Variants in NR2F2 observed in about 807,000 individuals in gnomAD.
NR2F2 encodes COUP transcription factor 2.
A neutral mutation model predicts 34.8 loss-of-function variants in NR2F2; 2 were observed. The ratio of observed to expected loss-of-function variants is 0.06; its 90% CI spans 0.02 to 0.18. The LOEUF is 0.18. Ranked by LOEUF, NR2F2 falls within the 10% of genes least tolerant of loss-of-function variation. The probability of loss-of-function intolerance (pLI) is 1.00; values close to 1 mark genes in which losing one functional copy is unlikely to be tolerated. For missense variants in NR2F2, 300 were observed against 580.1 expected (o/e 0.52, Z 4.96); for synonymous variants, 274 against 251.8 (o/e 1.09, Z -0.84).
In NR2F2 at chr15:96,332,369, C is replaced by T. The variant is rs757445345; in HGVS notation, c.264C>T (p.Gly88=). 1.2e-6 allele frequency: 2 copies of T among 1,612,578 alleles called. No homozygotes were observed. Among genetic ancestry groups the T allele is most frequent in the Non-Finnish European group, 1.7e-6 (2 of 1,179,290 alleles). ...TGGTGTGCGGAGACAAGTCGAGCGG[C>T]AAGCACTACGGCCAGTTCACGTGCG... The part of the protein sequence containing the change: ...ECVVCGDKSS[G]KHYGQFTCEG... Residue 88 remains glycine, a synonymous_variant, in exon 1 of 3, where the codon GGC becomes GGT. Coordinates refer to ENST00000394166, the MANE Select transcript of NR2F2 (RefSeq NM_021005.4).
chr15:96,330,522 C>G (rs1899102502), upstream of NR2F2, among the ~76,000 whole-genome samples: 1 of 147,010 alleles, frequency 6.8e-6, no homozygotes, highest in African/African-American at 2.5e-5. Context: ...CGCCCGCGGC[C>G]GCCATGGCGG....
rs755839593 is a variant in NR2F2 at position 96,332,336 on chromosome 15, C to G, written c.231C>G (p.Ile77Met). The change falls in exon 1 of 3, where the codon ATC becomes ATG. Residue 77 changes from isoleucine to methionine, a missense_variant. Physicochemically the swap from Ile to Met is conservative, Grantham distance 10. Transcript: ENST00000394166. ...GSDKQQQQQH[I>M]ECVVCGDKSS... The stretch of plus-strand genomic sequence containing the variant: ...ACAAGCAGCAGCAGCAGCAACACAT[C>G]GAGTGCGTGGTGTGCGGAGACAAGT... 1 of 1,604,566 alleles carries G rather than the reference C, an allele frequency of 6.2e-7. No homozygotes were observed. Among genetic ancestry groups the G allele is most frequent in the Non-Finnish European group, 8.5e-7 (1 of 1,175,562 alleles).
upstream of NR2F2, chr15:96,327,492 A>C (rs1290856108): frequency 6.6e-6 from 1 of 152,160 alleles, no homozygotes; most frequent in Non-Finnish European, 1.5e-5. Flanking sequence ...TAGCACTGTA[A>C]ATTTTTCAGA....
At position 96,334,675 on chromosome 15, in the gene NR2F2, T is replaced by G. The variant is rs532372303; in HGVS notation, c.970+72T>G. ...AGCTGGGGCCCAGAGAACTTGGGAG[T>G]CCCCAGGGCAAACCCAGTCTGCTCC... is the stretch of plus-strand genomic sequence containing the variant. On this transcript the variant is annotated intron_variant, in intron 2 of 2. Transcript: ENST00000394166. 1.3e-4 allele frequency: 195 copies of G among 1,494,952 alleles called. No individual in the cohort carries two copies. The African/African-American group carries it at 2.3e-3, about 17-fold the overall frequency. 92.6% of individuals were successfully genotyped at this position (1,494,952 alleles called of 1,614,324 possible). A position where few individuals can be genotyped will look rare whatever the true frequency, so the allele number is the denominator to read the frequency against.
Position 96,331,066 on chromosome 15 carries a change from C to T in NR2F2, c.-1040C>T, listed in dbSNP as rs1899124042. On this transcript the variant is annotated 5_prime_UTR_variant, in exon 1 of 3. The change creates a premature stop within an existing upstream ORF in the 5' untranslated region. Transcript: ENST00000394166. ...GAGGCGGCGGCGGCAGCAGCAGCAGCAGCGGCTCCGGCGGCGGCAGCAGCG... is the reference window on the plus strand; with the variant it reads ...GAGGCGGCGGCGGCAGCAGCAGCAGTAGCGGCTCCGGCGGCGGCAGCAGCG... 16 of 1,240,120 alleles carry T rather than the reference C, an allele frequency of 1.3e-5. No homozygotes were observed. The highest frequency in any genetic ancestry group is 1.6e-5 in the Non-Finnish European group (16 of 996,076). 76.8% of individuals were successfully genotyped at this position (1,240,120 alleles called of 1,614,324 possible).
chr15:96,333,101 C>T (rs1899200967), intron 1 of NR2F2: 1 of 164,390 alleles, frequency 6.1e-6, no homozygotes, highest in South Asian at 2.0e-4. Flanking sequence ...AATACCTCTG[C>T]TTTCTTTTTT....
chr15:96,334,642 T>C (rs769862755), intron 2 of NR2F2, 39 bp downstream of exon 2: 12 of 1,548,766 alleles, frequency 7.7e-6, no homozygotes, highest in Non-Finnish European at 7.9e-6. Flanking sequence ...CACGGGCTCC[T>C]AGCCCAGAGC....
At chr15:96,335,765 G>A (rs1023932286) in intron 2 of NR2F2, among the ~76,000 whole-genome samples, 1 of 152,230 alleles carries the variant, frequency 6.6e-6, no homozygotes. Flanking sequence ...TTCGAAAGAA[G>A]TCTGGGGAAC....
Position 96,330,802 on chromosome 15 carries a change from C to A in NR2F2, c.-1304C>A. On this transcript the variant is annotated 5_prime_UTR_variant, in exon 1 of 3. Coordinates refer to ENST00000394166, the MANE Select transcript of NR2F2 (RefSeq NM_021005.4). ...CTTTGATTCTCTGTTCTTTTCTCTC[C>A]GCGGTGTGTGTGTGCGTGCGCGCGT... 1 of 1,047,296 alleles carries A rather than the reference C, an allele frequency of 9.5e-7. No individual in the cohort carries two copies. The highest frequency in any genetic ancestry group is 1.2e-6 in the Non-Finnish European group (1 of 845,128). 64.9% of individuals were successfully genotyped at this position (1,047,296 alleles called of 1,614,324 possible). A position where few individuals can be genotyped will look rare whatever the true frequency, so the allele number is the denominator to read the frequency against.
upstream of NR2F2, chr15:96,326,283 GGA>G: frequency 6.2e-7 from 1 of 1,605,912 alleles, no homozygotes; most frequent in Middle Eastern, 1.7e-4. The surrounding 1 kb of genome is among the most constrained non-coding windows in gnomAD (Gnocchi z 5.5). Context: ...CCAAACTAAA[GGA>G]GAGTTATTCC....
chr15:96,333,574 C>T (rs974151068), intron 1 of NR2F2: 1 of 1,014,258 alleles, frequency 9.9e-7, no homozygotes, highest in Admixed American at 5.1e-5. Flanking sequence ...GGGGGTTCCC[C>T]GCCGGGCTGG....
chr15:96,336,090 T>G (rs1427850464), intron 2 of NR2F2, among the ~76,000 whole-genome samples: 2 of 152,184 alleles, frequency 1.3e-5, no homozygotes, highest in Non-Finnish European at 2.9e-5. Context: ...TCTTGGACGA[T>G]GGAGGTAGTC....
rs900490135 is a variant in NR2F2, at chr15:96,339,864, G to C, written c.*2242G>C. ...TGGTTTAATTCTAATTGGTGGGGGGGGGGGAGGACTAGTGAGGGAGGTGAA... is the reference window on the plus strand; with the variant it reads ...TGGTTTAATTCTAATTGGTGGGGGGCGGGGAGGACTAGTGAGGGAGGTGAA... On this transcript the variant is annotated 3_prime_UTR_variant, in exon 3 of 3. Coordinates refer to ENST00000394166, the MANE Select transcript of NR2F2 (RefSeq NM_021005.4). 2.6e-5 allele frequency: 4 copies of C among 152,022 alleles called. No homozygotes were observed. In the South Asian group the frequency reaches 6.2e-4, roughly 24 times the overall value. 9.4% of individuals were successfully genotyped at this position (152,022 alleles called of 1,614,324 possible). A position where few individuals can be genotyped will look rare whatever the true frequency, so the allele number is the denominator to read the frequency against.
chr15:96,329,344 G>C (rs1270981254), upstream of NR2F2, among the ~76,000 whole-genome samples: 2 of 152,188 alleles, frequency 1.3e-5, no homozygotes, highest in African/African-American at 4.8e-5. Flanking sequence ...AGACACCCTG[G>C]AATTCAAAGA....
Position 96,337,659 on chromosome 15 carries a change from G to GA in NR2F2, c.*41dup. 3 of 1,588,284 alleles carry GA rather than the reference G, an allele frequency of 1.9e-6. No individual in the cohort carries two copies. The South Asian group carries it at 3.4e-5, about 18-fold the overall frequency. Reference sequence around the variant, plus strand: ...AAGAAGGGGGAGTGAAACAGAGAAAGAAAAGGCAAAAGACTGGTTTGTTTG... The same window carrying GA: ...AAGAAGGGGGAGTGAAACAGAGAAAGAAAAAGGCAAAAGACTGGTTTGTTTG... On this transcript the variant is annotated 3_prime_UTR_variant, in exon 3 of 3. Transcript: ENST00000394166.
upstream of NR2F2, among the ~76,000 whole-genome samples, chr15:96,328,293 C>T (rs1355620243): frequency 6.6e-6 from 1 of 152,174 alleles, no homozygotes; most frequent in Non-Finnish European, 1.5e-5. Flanking sequence ...AAGGCCATCA[C>T]GCATACTTCA....
rs1574570 is a variant in NR2F2 at position 96,334,870 on chromosome 15, C to T, written c.970+267C>T. On this transcript the variant is annotated intron_variant, in intron 2 of 2. Coordinates refer to ENST00000394166, the MANE Select transcript of NR2F2 (RefSeq NM_021005.4). The stretch of plus-strand genomic sequence containing the variant: ...CAGCCTCTGCTGCCTGTTTCCCCCA[C>T]CTGCAGTATCCAGATTGGGATGCCC... 0.26 allele frequency among the ~76,000 whole-genome samples: 38,861 copies of T among 152,284 alleles called. 5,400 individuals are homozygous for T. Among genetic ancestry groups the T allele is most frequent in the East Asian group, 0.58 (2,982 of 5,172 alleles).
At chr15:96,335,026 G>A (rs576045024) in intron 2 of NR2F2, among the ~76,000 whole-genome samples, 3 of 152,370 alleles carry the variant, frequency 2.0e-5, no homozygotes, top group East Asian at 3.9e-4. Flanking sequence ...GAGCAGCCCT[G>A]ACATTGTCTC....
Position 96,331,377 on chromosome 15 carries a change from C to T in NR2F2, c.-729C>T. On this transcript the variant is annotated 5_prime_UTR_variant, in exon 1 of 3. Coordinates refer to ENST00000394166, the MANE Select transcript of NR2F2 (RefSeq NM_021005.4). ...ATTCCCCCGGACCCGGGCAGCGCTCCGGCCACTCCGCGGGCCGCCGGCCTC... is the reference window on the plus strand; with the variant it reads ...ATTCCCCCGGACCCGGGCAGCGCTCTGGCCACTCCGCGGGCCGCCGGCCTC... The T allele has an allele frequency of 2.5e-6, 3 of 1,223,478 alleles. No individual in the cohort carries two copies. The highest frequency in any genetic ancestry group is 3.1e-6 in the Non-Finnish European group (3 of 982,820). 75.8% of individuals were successfully genotyped at this position (1,223,478 alleles called of 1,614,324 possible).
Sources: gnomAD v4.1 joint callset for allele counts (sites outside exome capture counted in the v4.1 genomes callset) on GRCh38, gnomAD v4.1.1 for gene constraint, Gnocchi (gnomAD v3.1) non-coding constraint, MANE v1.5 for transcripts, NCBI Gene and HGNC (gene_info 2026-07-23, HGNC 2026-07-21) for gene names.